PKHD1L1: variants seen among roughly 807,000 people sequenced by gnomAD.
The protein encoded by PKHD1L1 is fibrocystin-L.
A neutral mutation model predicts 462.9 loss-of-function variants in PKHD1L1; 434 were observed. The observed-to-expected ratio is 0.94, with a 90% confidence interval of 0.87 to 1.02. PKHD1L1 has a LOEUF of 1.02. Ranked by LOEUF, PKHD1L1 falls within the 50% of genes least tolerant of loss-of-function variation. PKHD1L1 has a pLI of 0.00. For missense variants in PKHD1L1, 5,202 were observed against 5,096.1 expected, an observed-to-expected ratio of 1.02 and a Z score of -0.63; for synonymous variants, 1,781 against 1,750.0, an observed-to-expected ratio of 1.02 and a Z score of -0.44.
At chr8:109,428,427 T>C (rs1359594448) in intron 25 of PKHD1L1, among the ~76,000 whole-genome samples, 2 of 152,124 alleles carry the variant, frequency 1.3e-5, no homozygotes, top group Non-Finnish European at 2.9e-5. Context: ...ACTCTACTTA[T>C]GAAATCATTT....
chr8:109,412,490 A>G, intron 20 of PKHD1L1, 76 bp downstream of exon 20: 1 of 1,399,160 alleles, frequency 7.1e-7, no homozygotes, highest in Non-Finnish European at 9.5e-7. Flanking sequence ...ATTTTAAGAC[A>G]AGAAAAAATA....
intron 45 of PKHD1L1, among the ~76,000 whole-genome samples, chr8:109,455,993 TA>T (rs1043913511): frequency 3.3e-5 from 5 of 152,230 alleles, no homozygotes; most frequent in African/African-American, 1.2e-4. Flanking sequence ...TGTGTCCCTG[TA>T]AAAAAAGATG....
chr8:109,374,600 G>A (rs1160506043), intron 2 of PKHD1L1, among the ~76,000 whole-genome samples: 1 of 152,176 alleles, frequency 6.6e-6, no homozygotes, highest in Non-Finnish European at 1.5e-5. Context: ...TAGCCTTGAT[G>A]GTCTTTACAA....
At chr8:109,418,551 A>G (rs191750613) in intron 21 of PKHD1L1, among the ~76,000 whole-genome samples, 10 of 152,344 alleles carry the variant, frequency 6.6e-5, no homozygotes, top group African/African-American at 2.4e-4. Flanking sequence ...ATTTAATGGA[A>G]AATCTGAATC....
At chr8:109,510,739 G>A in intron 70 of PKHD1L1, 38 bp from the exon 71 acceptor site, 4 of 1,563,826 alleles carry the variant, frequency 2.6e-6, no homozygotes, top group Non-Finnish European at 3.5e-6. Context: ...TAAAATGTAT[G>A]ATATAGGAGT....
rs1046805517 is a variant in PKHD1L1 at position 109,384,116 on chromosome 8, C to G, written c.464C>G (p.Ser155Cys). 1 of 1,610,542 alleles carries G rather than the reference C, an allele frequency of 6.2e-7. No individual in the cohort carries two copies. The highest frequency in any genetic ancestry group is 8.5e-7 in the Non-Finnish European group (1 of 1,177,228). The stretch of plus-strand genomic sequence containing the variant: ...ACAATAAGAAGCATCACACCTTTAT[C>G]TGGAACTCCAGGTCTGTTATATGAC... ...TPTIRSITPL[S>C]GTPGTLITIQ... Residue 155 changes from serine to cysteine, a missense_variant, in exon 5 of 78, where the codon TCT (serine) becomes TGT (cysteine). By Grantham distance (112) the Ser-to-Cys change is moderately radical. Transcript: ENST00000378402.
chr8:109,414,980 ATTAT>A (rs1814063269), intron 21 of PKHD1L1, among the ~76,000 whole-genome samples: 1 of 105,672 alleles, frequency 9.5e-6, no homozygotes. Flanking sequence ...TATTATTATT[ATTAT>A]TATTATTATT....
Position 109,496,950 on chromosome 8 carries a change from C to T in PKHD1L1, c.10359C>T (p.Asp3453=), listed in dbSNP as rs1202569158. Reference sequence around the variant, plus strand: ...TTAATCCTGTGGAAAAGTGGTTTGACAATGAAGCCCATGGAGGTTTATATG... The same window carrying T: ...TTAATCCTGTGGAAAAGTGGTTTGATAATGAAGCCCATGGAGGTTTATATG... ...GQFNPVEKWF[D]NEAHGGLYGI... is the part of the protein sequence containing the mutation. The change falls in exon 64 of 78, where the codon GAC becomes GAT. Residue 3453 remains aspartate (D), a synonymous_variant. Transcript: ENST00000378402. 3 of 1,613,324 alleles carry T rather than the reference C, an allele frequency of 1.9e-6. No homozygotes were observed. The highest frequency in any genetic ancestry group is 1.1e-5 in the South Asian group (1 of 91,000).
intron 48 of PKHD1L1, among the ~76,000 whole-genome samples, chr8:109,463,452 A>G (rs373102603): frequency 7.9e-5 from 12 of 152,270 alleles, no homozygotes; most frequent in African/African-American, 2.6e-4. Flanking sequence ...GTTGATCTGG[A>G]TATTGAATAT....
intron 76 of PKHD1L1, among the ~76,000 whole-genome samples, chr8:109,524,922 C>G (rs1405452704): frequency 1.3e-5 from 2 of 151,346 alleles, no homozygotes; most frequent in Non-Finnish European, 2.9e-5. Flanking sequence ...TCCTCTCTCT[C>G]TCCTCTTTTC....
At chr8:109,448,644 T>A (rs1816306068) in intron 39 of PKHD1L1, among the ~76,000 whole-genome samples, 1 of 151,856 alleles carries the variant, frequency 6.6e-6, no homozygotes, top group Non-Finnish European at 1.5e-5. Context: ...CCCGAGTAGC[T>A]GGGACTACAG....
chr8:109,443,970 CTTG>C (rs1416525052), intron 37 of PKHD1L1, 68 bp downstream of exon 37: 2 of 1,335,912 alleles, frequency 1.5e-6, no homozygotes, highest in African/African-American at 2.9e-5. Context: ...TGACGATAAC[CTTG>C]TTATTTAATT....
At chr8:109,516,485 T>C (rs963580836) in intron 72 of PKHD1L1, among the ~76,000 whole-genome samples, 2 of 152,040 alleles carry the variant, frequency 1.3e-5, no homozygotes, top group African/African-American at 4.8e-5. Context: ...ATCTAAACCC[T>C]ATTTCTTCCC....
intron 41 of PKHD1L1, among the ~76,000 whole-genome samples, chr8:109,451,750 G>C (rs1395424856): frequency 6.6e-6 from 1 of 152,142 alleles, no homozygotes; most frequent in Non-Finnish European, 1.5e-5. Flanking sequence ...TTTATCTGGA[G>C]GTTAAGTTCT....
At chr8:109,474,746 TA>T (rs569746580) in intron 50 of PKHD1L1, among the ~76,000 whole-genome samples, 165 of 152,262 alleles carry the variant, frequency 1.1e-3, no homozygotes, top group African/African-American at 3.8e-3. Flanking sequence ...CAATGACCTT[TA>T]AATAATTATA....
chr8:109,461,707 GA>G lies in PKHD1L1; in HGVS notation c.7247-61del, dbSNP rs1056855344. The G allele has an allele frequency of 8.6e-6, 13 of 1,513,344 alleles. No homozygotes were observed. In the African/African-American group the frequency reaches 1.7e-4, roughly 19 times the overall value. The allele number at this position is 1,513,344 out of a possible 1,614,324, so 93.7% of individuals were successfully genotyped here. On this transcript the variant is annotated intron_variant, in intron 47 of 77. Coordinates refer to ENST00000378402, the MANE Select transcript of PKHD1L1 (RefSeq NM_177531.6). The stretch of plus-strand genomic sequence containing the variant: ...AATCAAATGATACACTTAGTTATGA[GA>G]AAATCTTCAATATAAGAGGATTCCG...
chr8:109,530,116 A>AG lies in PKHD1L1; in HGVS notation c.*26_*27insG. On this transcript the variant is annotated 3_prime_UTR_variant, in exon 78 of 78. Transcript: ENST00000378402. The stretch of plus-strand genomic sequence containing the variant: ...AGTGCTGTTCCGAAGAATAGGCTGA[A>AG]ACAAAAATATAAGAATTATTAGCTA... The AG allele has an allele frequency of 7.6e-7, 1 of 1,316,412 alleles. No individual in the cohort carries two copies. The allele number at this position is 1,316,412 out of a possible 1,614,324, so 81.5% of individuals were successfully genotyped here.
At chr8:109,395,175 G>A (rs985542280) in intron 10 of PKHD1L1, among the ~76,000 whole-genome samples, 4 of 152,216 alleles carry the variant, frequency 2.6e-5, no homozygotes, top group African/African-American at 7.2e-5. Flanking sequence ...GTCAAAAAAT[G>A]TAAAGTCTGG....
At position 109,465,041 on chromosome 8, in the gene PKHD1L1, A is replaced by G. The variant is rs778638437; in HGVS notation, c.8209A>G (p.Thr2737Ala). 8.1e-6 allele frequency: 13 copies of G among 1,613,780 alleles called. No homozygotes were observed. The South Asian group carries it at 1.4e-4, about 18-fold the overall frequency. ...GLVLPFSEGL[T>A]VSSVHFMNFD... is the part of the protein sequence containing the mutation. ...GGTTCTCCCATTTAGTGAAGGCTTGACTGTCTCTTCTGTGCACTTTATGAA... is the reference window on the plus strand; with the variant it reads ...GGTTCTCCCATTTAGTGAAGGCTTGGCTGTCTCTTCTGTGCACTTTATGAA... Residue 2737 changes from threonine to alanine, a missense_variant, in exon 49 of 78, where the codon ACT becomes GCT. Physicochemically the swap from Thr to Ala is moderately conservative, Grantham distance 58. Coordinates refer to ENST00000378402, the MANE Select transcript of PKHD1L1 (RefSeq NM_177531.6).
Sources: gnomAD v4.1 joint callset for allele counts (sites outside exome capture counted in the v4.1 genomes callset) on GRCh38, gnomAD v4.1.1 for gene constraint, MANE v1.5 for transcripts, NCBI Gene and HGNC (gene_info 2026-07-23, HGNC 2026-07-21) for gene names.